Variants in ASZ1 observed in about 807,000 individuals in gnomAD.
The protein encoded by ASZ1 is ankyrin repeat, SAM and basic leucine zipper domain containing 1.
ASZ1 carries 67 observed loss-of-function variants against 61.8 expected under a neutral mutation model. The observed-to-expected ratio is 1.08, with a 90% CI of 0.89 to 1.33. The LOEUF (loss-of-function observed/expected upper bound fraction) is 1.33, where lower values mean the gene tolerates loss of function less well. Ranked by LOEUF, ASZ1 falls within the 40% of genes most tolerant of loss-of-function variation. The pLI is 0.00. For missense variants in ASZ1, 577 were observed against 554.5 expected, an observed-to-expected ratio of 1.04 and a Z score of -0.41; for synonymous variants, 193 against 192.7, an observed-to-expected ratio of 1.00 and a Z score of -0.01.
intron 6 of ASZ1, among the ~76,000 whole-genome samples, chr7:117,384,250 C>T (rs755842250): frequency 2.6e-5 from 4 of 151,930 alleles, no homozygotes; most frequent in Non-Finnish European, 4.4e-5. Flanking sequence ...GATTATACAT[C>T]CAGGTATATT....
chr7:117,402,824 C>T (rs771403506), intron 4 of ASZ1, among the ~76,000 whole-genome samples: 88 of 152,008 alleles, frequency 5.8e-4, no homozygotes, highest in Admixed American at 1.6e-3. Flanking sequence ...CAGATGACAC[C>T]GAATATTTAA....
At chr7:117,388,372 C>T (rs1173387775) in intron 4 of ASZ1, among the ~76,000 whole-genome samples, 1 of 151,856 alleles carries the variant, frequency 6.6e-6, no homozygotes, top group East Asian at 1.9e-4. Flanking sequence ...AACTATAAAC[C>T]AATAATCTTC....
At chr7:117,378,959 T>C (rs898387494) in intron 10 of ASZ1, among the ~76,000 whole-genome samples, 2 of 151,450 alleles carry the variant, frequency 1.3e-5, no homozygotes, top group African/African-American at 2.4e-5. Context: ...ATGATTCTAT[T>C]TATATAATAT....
At chr7:117,376,433 A>C (rs1935736147) in intron 10 of ASZ1, among the ~76,000 whole-genome samples, 1 of 152,168 alleles carries the variant, frequency 6.6e-6, no homozygotes, top group Non-Finnish European at 1.5e-5. Flanking sequence ...GGGGGAATAC[A>C]TCCCAATTCA....
chr7:117,385,323 G>A (rs1052985549), intron 5 of ASZ1, among the ~76,000 whole-genome samples: 1 of 151,622 alleles, frequency 6.6e-6, no homozygotes, highest in Non-Finnish European at 1.5e-5. Flanking sequence ...GCAGTGGTGC[G>A]ATCTTGGCTC....
chr7:117,382,787 T>C (rs1336441385), intron 7 of ASZ1, among the ~76,000 whole-genome samples, 199 bp downstream of exon 7: 1 of 152,122 alleles, frequency 6.6e-6, no homozygotes, highest in African/African-American at 2.4e-5. Flanking sequence ...CATTTAAAGT[T>C]ATTATCATTA....
chr7:117,384,352 A>C (rs1429792404), intron 6 of ASZ1, among the ~76,000 whole-genome samples: 1 of 152,146 alleles, frequency 6.6e-6, no homozygotes, highest in Non-Finnish European at 1.5e-5. Flanking sequence ...AATTAAACTT[A>C]CAAAAGAATG....
Position 117,426,873 on chromosome 7 carries a change from G to C in ASZ1, c.168C>G (p.Ile56Met). 2 of 1,613,254 alleles carry C rather than the reference G, an allele frequency of 1.2e-6. No homozygotes were observed. Among genetic ancestry groups the C allele is most frequent in the Non-Finnish European group, 1.7e-6 (2 of 1,179,838 alleles). ...GCTCCTGGACCAATGAAACATCTCCGATGGTCATTGCTTTCTTAAATTTTT... is the reference window on the plus strand; with the variant it reads ...GCTCCTGGACCAATGAAACATCTCCCATGGTCATTGCTTTCTTAAATTTTT... Reference protein sequence around the residue: ...KKEKFKKAMTIGDVSLVQELL... With the variant: ...KKEKFKKAMTMGDVSLVQELL... The change falls in exon 2 of 13, where the codon ATC (isoleucine) becomes ATG (methionine). Residue 56 changes from isoleucine (I) to methionine (M), a missense_variant. Physicochemically the swap from Ile to Met is conservative, Grantham distance 10. Coordinates refer to ENST00000284629, the MANE Select transcript of ASZ1 (RefSeq NM_130768.3).
intron 2 of ASZ1, among the ~76,000 whole-genome samples, chr7:117,425,393 G>A (rs1797181820): frequency 6.8e-6 from 1 of 148,100 alleles, no homozygotes; most frequent in Non-Finnish European, 1.5e-5. Flanking sequence ...AGCCTCCCGC[G>A]TAGCTGGGAC....
At chr7:117,385,349 TCTTGGGTTCAAGC>T (rs1284347675) in intron 5 of ASZ1, among the ~76,000 whole-genome samples, 1 of 152,086 alleles carries the variant, frequency 6.6e-6, no homozygotes, top group Non-Finnish European at 1.5e-5. Flanking sequence ...AACCTCTGCC[TCTTGGGTTCAAGC>T]GATTCTCCTG....
At chr7:117,370,804 T>TTGTGTGTGTGTGTGTGTGTG (rs3138784) in intron 10 of ASZ1, among the ~76,000 whole-genome samples, 2 of 133,228 alleles carry the variant, frequency 1.5e-5, no homozygotes, top group African/African-American at 2.9e-5. Context: ...CCAAAGGTAA[T>TTGTGTGTGTGTGTGTGTGTG]TGTGTGTGTG....
chr7:117,400,916 C>T (rs963459109), intron 4 of ASZ1, among the ~76,000 whole-genome samples: 2 of 152,114 alleles, frequency 1.3e-5, no homozygotes, highest in African/African-American at 4.8e-5. Flanking sequence ...ACGTGATCTG[C>T]CCTTATTCCA....
At chr7:117,416,701 A>C (rs1307521022) in intron 4 of ASZ1, among the ~76,000 whole-genome samples, 1 of 152,220 alleles carries the variant, frequency 6.6e-6, no homozygotes, top group Non-Finnish European at 1.5e-5. Flanking sequence ...ACACAAATGT[A>C]TGCATTTATC....
At chr7:117,387,236 A>G (rs1350673928) in intron 4 of ASZ1, among the ~76,000 whole-genome samples, 1 of 151,400 alleles carries the variant, frequency 6.6e-6, no homozygotes, top group African/African-American at 2.4e-5. Flanking sequence ...TGAGCCTGGG[A>G]GATCAAGGCT....
intron 4 of ASZ1, among the ~76,000 whole-genome samples, chr7:117,418,975 G>A (rs1173623301): frequency 6.6e-6 from 1 of 151,914 alleles, no homozygotes; most frequent in East Asian, 1.9e-4. Flanking sequence ...AAAAATACAG[G>A]TTTGCAGGTA....
chr7:117,414,372 TAAAAC>T (rs1025794121), intron 4 of ASZ1, among the ~76,000 whole-genome samples: 1 of 152,222 alleles, frequency 6.6e-6, no homozygotes, highest in African/African-American at 2.4e-5. Context: ...AATGTTTACT[TAAAAC>T]AAAATTTGGG....
chr7:117,427,294 C>A, intron 1 of ASZ1, 62 bp downstream of exon 1: 1 of 1,559,034 alleles, frequency 6.4e-7, no homozygotes, highest in African/African-American at 1.4e-5. Flanking sequence ...GGCTGGGCCT[C>A]GCCTTCGAGG....
intron 4 of ASZ1, among the ~76,000 whole-genome samples, chr7:117,409,980 T>C (rs1478136221): frequency 6.6e-6 from 1 of 151,818 alleles, no homozygotes; most frequent in African/African-American, 2.4e-5. Flanking sequence ...GGATTACACA[T>C]TTATTATAAA....
At chr7:117,407,181 A>C (rs1274302028) in intron 4 of ASZ1, among the ~76,000 whole-genome samples, 1 of 152,126 alleles carries the variant, frequency 6.6e-6, no homozygotes, top group Non-Finnish European at 1.5e-5. Flanking sequence ...AGCACACAGA[A>C]AGGCTGAAAG....
Sources: allele counts gnomAD v4.1 joint callset (sites outside exome capture counted in the v4.1 genomes callset), GRCh38; gene constraint gnomAD v4.1.1; transcripts MANE v1.5; gene names NCBI Gene and HGNC (gene_info 2026-07-23, HGNC 2026-07-21).